Variants in ARL13B observed in about 807,000 individuals in gnomAD.
ARL13B encodes ARF like GTPase 13B.
A neutral mutation model predicts 56.1 loss-of-function variants in ARL13B; 36 were observed. That is an observed-to-expected ratio of 0.64 (90% CI 0.49 to 0.85). ARL13B has a LOEUF of 0.85. Among genes scored for constraint, ARL13B ranks in the 40% least tolerant of loss-of-function variants. The pLI is 0.00. For synonymous variants in ARL13B, 178 were observed against 171.1 expected (o/e 1.04, Z -0.32); for missense variants, 519 against 507.1 (o/e 1.02, Z -0.23).
At chr3:94,024,537 C>T (rs561093800) in intron 3 of ARL13B, among the ~76,000 whole-genome samples, 113 of 152,174 alleles carry the variant, frequency 7.4e-4, no homozygotes, top group African/African-American at 2.7e-3. Flanking sequence ...GAAACAACTC[C>T]CTCTAATGTT....
chr3:94,003,393 T>C (rs1266362996), intron 2 of ARL13B, among the ~76,000 whole-genome samples: 1 of 152,160 alleles, frequency 6.6e-6, no homozygotes, highest in Admixed American at 6.5e-5. Context: ...AGTTTATTCA[T>C]TTATTAATTC....
intron 1 of ARL13B, among the ~76,000 whole-genome samples, chr3:93,983,706 G>T (rs565461397): frequency 4.7e-4 from 72 of 151,606 alleles, no homozygotes; most frequent in Non-Finnish European, 7.5e-4. Flanking sequence ...TTTTCCTTGC[G>T]CATTTTTGTT....
intron 1 of ARL13B, chr3:93,988,919 C>G (rs1348849346): frequency 3.2e-6 from 1 of 316,050 alleles, no homozygotes. Context: ...GCCACCCCTT[C>G]GGCTGAACTG....
At chr3:93,990,098 G>A (rs557059318) in intron 1 of ARL13B, among the ~76,000 whole-genome samples, 8 of 152,252 alleles carry the variant, frequency 5.3e-5, no homozygotes, top group African/African-American at 1.9e-4. Context: ...TCCACCTCCT[G>A]GGTTCAAGTG....
rs1431090403 is a variant in ARL13B at position 94,003,682 on chromosome 3, A to G, written c.154A>G (p.Thr52Ala). The G allele has an allele frequency of 6.2e-7, 1 of 1,613,432 alleles. No individual in the cohort carries two copies. The highest frequency in any genetic ancestry group is 2.2e-5 in the East Asian group (1 of 44,792). ...AGAATACCCTGAAGATGTAGCTCCT[A>G]CTGTTGGATTTTCAAAAATTAACCT... ...QGEYPEDVAP[T>A]VGFSKINLRQ... Residue 52 changes from threonine to alanine, a missense_variant, in exon 3 of 10, where the codon ACT (threonine) becomes GCT (alanine). Thr to Ala is a moderately conservative substitution (Grantham distance 58). Transcript: ENST00000394222.
At chr3:94,045,471 GA>G (rs1263637081) in intron 7 of ARL13B, among the ~76,000 whole-genome samples, 140 of 142,554 alleles carry the variant, frequency 9.8e-4, no homozygotes, top group African/African-American at 3.1e-3. Flanking sequence ...AAGAAAGAAA[GA>G]AAAAAAAGAG....
intron 1 of ARL13B, among the ~76,000 whole-genome samples, chr3:93,986,279 A>G (rs1275376738): frequency 6.6e-6 from 1 of 152,346 alleles, no homozygotes; most frequent in African/African-American, 2.4e-5. Flanking sequence ...AGCAGGCTAT[A>G]AACCCAAGCT....
In ARL13B at chr3:93,995,886, T is replaced by G. The variant is rs2075958268; in HGVS notation, c.72T>G (p.Leu24=). The G allele has an allele frequency of 5.0e-6, 8 of 1,612,190 alleles. No individual in the cohort carries two copies. Among genetic ancestry groups the G allele is most frequent in the Non-Finnish European group, 6.8e-6 (8 of 1,178,900 alleles). The part of the protein sequence containing the change: ...RWREPVRKVT[L]LMVGLDNAGK... ...CTATTATTTTAAGAAAGGTGACTCT[T>G]TTGATGGTGGGACTTGATAATGCTG... The change falls in exon 2 of 10, where the codon CTT becomes CTG. Residue 24 remains leucine, a synonymous_variant. Transcript: ENST00000394222.
intron 2 of ARL13B, among the ~76,000 whole-genome samples, chr3:93,999,302 C>T (rs1485699151): frequency 6.6e-6 from 1 of 151,770 alleles, no homozygotes; most frequent in Admixed American, 6.6e-5. Context: ...AGTTCGGTGG[C>T]GTGATCATAG....
In ARL13B at chr3:94,055,608, T is replaced by C. The variant is rs2077130827; in HGVS notation, c.*2345T>C. On this transcript the variant is annotated 3_prime_UTR_variant, in exon 10 of 10. Coordinates refer to ENST00000394222, the MANE Select transcript of ARL13B (RefSeq NM_001174150.2). ...CTCTTGTGTGCCTTTATGTGTAAAA[T>C]GCATATTACGTAGTATACATGATAT... 2.2e-6 allele frequency: 1 copy of C among 453,940 alleles called. No individual in the cohort carries two copies. Among genetic ancestry groups the C allele is most frequent in the Non-Finnish European group, 4.4e-6 (1 of 226,668 alleles). The allele number at this position is 453,940 out of a possible 1,614,324, so 28.1% of individuals were successfully genotyped here.
chr3:93,998,872 C>T (rs945204623), intron 2 of ARL13B, among the ~76,000 whole-genome samples: 4 of 151,100 alleles, frequency 2.6e-5, no homozygotes, highest in African/African-American at 9.7e-5. Context: ...ACACCTCTCT[C>T]ATGGCTCCTA....
chr3:93,993,677 G>A (rs974447572), intron 1 of ARL13B, among the ~76,000 whole-genome samples: 12 of 152,082 alleles, frequency 7.9e-5, no homozygotes, highest in Non-Finnish European at 2.9e-5. Flanking sequence ...CTTAAATCTT[G>A]TTCTTTGATA....
rs114936013 is a variant in ARL13B at position 93,980,190 on chromosome 3, G to A, written c.-234G>A. The stretch of plus-strand genomic sequence containing the variant: ...AGCCGGGTCCCGCTAACTCGGCTAC[G>A]GTGTATCTGCGTCTTTGGTCAGGTT... On this transcript the variant is annotated 5_prime_UTR_variant, in exon 1 of 10. Transcript: ENST00000394222. The A allele has an allele frequency of 5.8e-6, 4 of 686,428 alleles. No individual in the cohort carries two copies. The highest frequency in any genetic ancestry group is 1.1e-5 in the Non-Finnish European group (4 of 377,490). The allele number at this position is 686,428 out of a possible 1,614,324, so 42.5% of individuals were successfully genotyped here. A position where few individuals can be genotyped will look rare whatever the true frequency, so the allele number is the denominator to read the frequency against.
chr3:93,994,494 A>G (rs1262185841), intron 1 of ARL13B, among the ~76,000 whole-genome samples: 2 of 146,960 alleles, frequency 1.4e-5, no homozygotes, highest in Admixed American at 1.5e-4. Context: ...ATAATAATTT[A>G]TCGTATTATT....
intron 2 of ARL13B, among the ~76,000 whole-genome samples, chr3:93,997,644 C>T (rs2075989504): frequency 6.6e-6 from 1 of 152,146 alleles, no homozygotes; most frequent in African/African-American, 2.4e-5. Context: ...CAGTCTCCTT[C>T]TGAACTACAA....
At chr3:94,002,762 T>A (rs1006781606) in intron 2 of ARL13B, among the ~76,000 whole-genome samples, 1 of 152,254 alleles carries the variant, frequency 6.6e-6, no homozygotes, top group African/African-American at 2.4e-5. Flanking sequence ...ATCATTGGTC[T>A]GCCAGATATT....
At chr3:94,013,199 A>C (rs1227774474) in intron 3 of ARL13B, among the ~76,000 whole-genome samples, 1 of 152,028 alleles carries the variant, frequency 6.6e-6, no homozygotes, top group Admixed American at 6.6e-5. Context: ...AGTAAATTTC[A>C]CCTTTCAGAA....
intron 3 of ARL13B, among the ~76,000 whole-genome samples, chr3:94,029,478 G>A (rs1391962011): frequency 6.7e-6 from 1 of 150,196 alleles, no homozygotes; most frequent in African/African-American, 2.4e-5. Flanking sequence ...CCCATAAGTA[G>A]CTGGGATTAC....
chr3:94,043,686 C>T (rs959264495), intron 7 of ARL13B, among the ~76,000 whole-genome samples: 1 of 61,810 alleles, frequency 1.6e-5, no homozygotes, highest in East Asian at 4.9e-4. Context: ...TTTCTACAGT[C>T]TCCCTCTCTT....
Sources: allele counts gnomAD v4.1 joint callset (sites outside exome capture counted in the v4.1 genomes callset), GRCh38; gene constraint gnomAD v4.1.1; transcripts MANE v1.5; gene names NCBI Gene and HGNC (gene_info 2026-07-23, HGNC 2026-07-21).